MAPK10: variants seen among roughly 807,000 people sequenced by gnomAD.
The protein encoded by MAPK10 is JNK3 alpha protein kinase.
MAPK10 carries 25 observed loss-of-function variants against 59.3 expected under a neutral mutation model. The observed-to-expected ratio is 0.42, with a 90% CI of 0.31 to 0.59. MAPK10 has a LOEUF of 0.59. Ranked by LOEUF, MAPK10 falls within the 20% of genes least tolerant of loss-of-function variation. The probability of loss-of-function intolerance (pLI) is 0.15; values close to 1 mark genes in which losing one functional copy is unlikely to be tolerated. For synonymous variants in MAPK10, 190 were observed against 200.5 expected, an observed-to-expected ratio of 0.95 and a Z score of 0.44; for missense variants, 351 against 568.9, an observed-to-expected ratio of 0.62 and a Z score of 3.90.
At chr4:86,272,462 T>C (rs2094462523) in intron 2 of MAPK10, among the ~76,000 whole-genome samples, 1 of 152,086 alleles carries the variant, frequency 6.6e-6, no homozygotes, top group Non-Finnish European at 1.5e-5. Flanking sequence ...TATGTTTAAG[T>C]CTATGATCCA....
At chr4:86,317,820 A>G (rs2095818440) in intron 2 of MAPK10, among the ~76,000 whole-genome samples, 1 of 152,222 alleles carries the variant, frequency 6.6e-6, no homozygotes, top group Non-Finnish European at 1.5e-5. Flanking sequence ...AGTGTGAAAC[A>G]ATGAACATTT....
chr4:86,129,760 A>T (rs868431530), intron 4 of MAPK10, among the ~76,000 whole-genome samples: 1 of 152,036 alleles, frequency 6.6e-6, no homozygotes, highest in Non-Finnish European at 1.5e-5. Flanking sequence ...GCCCTCCCCA[A>T]TGCATCCTGC....
chr4:86,561,045 G>A (rs1485175553), intron 1 of MAPK10, among the ~76,000 whole-genome samples: 3 of 152,212 alleles, frequency 2.0e-5, no homozygotes, highest in East Asian at 3.9e-4. Flanking sequence ...CCATGAATGC[G>A]GGAGTAGGGG....
intron 1 of MAPK10, among the ~76,000 whole-genome samples, chr4:86,505,915 A>G (rs1755703859): frequency 6.6e-6 from 1 of 152,154 alleles, no homozygotes; most frequent in Non-Finnish European, 1.5e-5. Context: ...TCTGTCCTCT[A>G]GCAGATGATC....
intron 2 of MAPK10, among the ~76,000 whole-genome samples, chr4:86,212,160 A>T (rs576062359): frequency 6.3e-5 from 8 of 126,348 alleles, no homozygotes; most frequent in East Asian, 2.0e-4. Context: ...GAATGGATTT[A>T]AAAAAAAAAC....
intron 2 of MAPK10, among the ~76,000 whole-genome samples, chr4:86,247,670 G>A (rs1385244236): frequency 6.6e-6 from 1 of 151,882 alleles, no homozygotes; most frequent in Admixed American, 6.6e-5. Flanking sequence ...TGTGTGTTGT[G>A]TAGGTGATCT....
At chr4:86,511,091 T>C (rs1166589876) in intron 1 of MAPK10, among the ~76,000 whole-genome samples, 1 of 152,250 alleles carries the variant, frequency 6.6e-6, no homozygotes, top group Non-Finnish European at 1.5e-5. Context: ...ATATCCCAGG[T>C]ACCCTGATTT....
At chr4:86,069,634 G>C (rs1023670681) in intron 9 of MAPK10, among the ~76,000 whole-genome samples, 2 of 152,002 alleles carry the variant, frequency 1.3e-5, no homozygotes, top group African/African-American at 4.8e-5. Flanking sequence ...TAAAACCTAA[G>C]TGCTTGTCAT....
chr4:86,042,022 T>C (rs2041637371), intron 11 of MAPK10, among the ~76,000 whole-genome samples: 1 of 152,312 alleles, frequency 6.6e-6, no homozygotes, highest in East Asian at 1.9e-4. Context: ...CACACATATG[T>C]TTATTGCAGC....
intron 3 of MAPK10, chr4:86,160,441 C>T (rs1270195113): frequency 6.6e-6 from 1 of 151,928 alleles, no homozygotes; most frequent in African/African-American, 2.4e-5. Context: ...CTGTGGGTTC[C>T]TCCCCAATCC....
chr4:86,447,921 T>C (rs1454351511), intron 1 of MAPK10, among the ~76,000 whole-genome samples: 1 of 152,168 alleles, frequency 6.6e-6, no homozygotes, highest in Non-Finnish European at 1.5e-5. Context: ...TGAGAGAATA[T>C]GTCAGCTCTG....
At chr4:86,585,229 C>T (rs1565079783) in intron 1 of MAPK10, among the ~76,000 whole-genome samples, 1 of 152,124 alleles carries the variant, frequency 6.6e-6, no homozygotes, top group African/African-American at 2.4e-5. Context: ...CACTCCAAGA[C>T]TCTGTATGCA....
chr4:86,435,031 A>G (rs1748528405), intron 1 of MAPK10, among the ~76,000 whole-genome samples: 1 of 152,242 alleles, frequency 6.6e-6, no homozygotes, highest in Non-Finnish European at 1.5e-5. Flanking sequence ...TAAGTGAAAT[A>G]AGCCAACCAC....
chr4:86,128,880 T>C (rs1462730920), intron 4 of MAPK10, among the ~76,000 whole-genome samples: 2 of 152,096 alleles, frequency 1.3e-5, no homozygotes, highest in East Asian at 3.8e-4. Context: ...TTTTAAACTT[T>C]CCTTATTATT....
At chr4:86,417,528 A>C (rs1043063470) in intron 1 of MAPK10, among the ~76,000 whole-genome samples, 4 of 152,244 alleles carry the variant, frequency 2.6e-5, no homozygotes, top group Non-Finnish European at 5.9e-5. Flanking sequence ...TCCAAGGTCT[A>C]GTTAATTCAG....
intron 2 of MAPK10, among the ~76,000 whole-genome samples, chr4:86,310,530 G>C (rs1406263071): frequency 6.6e-6 from 1 of 152,068 alleles, no homozygotes; most frequent in Non-Finnish European, 1.5e-5. Flanking sequence ...TCTGATCAAC[G>C]TGCATAGTAC....
chr4:86,452,618 C>G (rs1355114251), intron 1 of MAPK10, among the ~76,000 whole-genome samples: 1 of 152,138 alleles, frequency 6.6e-6, no homozygotes, highest in East Asian at 1.9e-4. Context: ...AGACATTAAA[C>G]TCAACACACC....
chr4:86,577,812 G>A (rs1454174845), intron 1 of MAPK10, among the ~76,000 whole-genome samples: 1 of 152,060 alleles, frequency 6.6e-6, no homozygotes, highest in Non-Finnish European at 1.5e-5. Flanking sequence ...AAAAACAGGG[G>A]CATGAAAGTC....
intron 9 of MAPK10, among the ~76,000 whole-genome samples, chr4:86,093,253 T>C (rs1401482966): frequency 6.6e-6 from 1 of 151,998 alleles, no homozygotes; most frequent in Non-Finnish European, 1.5e-5. Flanking sequence ...CTCTGGGGGA[T>C]TACGTAACTC....
Sources: gnomAD v4.1 joint callset for allele counts (sites outside exome capture counted in the v4.1 genomes callset) on GRCh38, gnomAD v4.1.1 for gene constraint, MANE v1.5 for transcripts, NCBI Gene and HGNC (gene_info 2026-07-23, HGNC 2026-07-21) for gene names.